The following BLTP3B variants were observed in gnomAD, a reference collection of about 807,000 sequenced individuals.
The protein encoded by BLTP3B is UHRF1 (ICBP90) binding protein 1-like.
At chr12:100,097,425 C>T in the BLTP3B span, 5 of 1,613,604 alleles carry the variant, frequency 3.1e-6, no homozygotes, top group South Asian at 1.1e-5. Context: ...CAGGAGCACA[C>T]ATAATTTCAA....
chr12:100,140,752 AT>A, the BLTP3B span, among the ~76,000 whole-genome samples: 16 of 137,222 alleles, frequency 1.2e-4, no homozygotes, highest in African/African-American at 2.8e-4. Context: ...ATATATATAT[AT>A]AAAATAAAAT....
chr12:100,081,858 G>A, the BLTP3B span, among the ~76,000 whole-genome samples: 1 of 152,170 alleles, frequency 6.6e-6, no homozygotes, highest in African/African-American at 2.4e-5. Flanking sequence ...ATTGTGAATA[G>A]TGCTGCCATG....
chr12:100,124,933 A>T, the BLTP3B span, among the ~76,000 whole-genome samples: 59 of 45,086 alleles, frequency 1.3e-3, no homozygotes, highest in African/African-American at 2.8e-3. Context: ...AAAAAAAAAA[A>T]TTTTATATAT....
At chr12:100,037,499 C>T in the BLTP3B span, 1 of 1,507,686 alleles carries the variant, frequency 6.6e-7, no homozygotes, top group Admixed American at 2.5e-5. Flanking sequence ...TTGAAATAGT[C>T]ACCACTTCAT....
the BLTP3B span, chr12:100,128,766 G>A: frequency 1.6e-6 from 2 of 1,243,448 alleles, no homozygotes; most frequent in Non-Finnish European, 2.1e-6. Context: ...AAGGGAGCAA[G>A]TTTAAGGGAA....
chr12:100,097,466 T>C, the BLTP3B span: 2 of 1,613,040 alleles, frequency 1.2e-6, no homozygotes, highest in Non-Finnish European at 1.7e-6. Context: ...TCTGCCTCTA[T>C]TCTTATCATC....
At chr12:100,113,015 A>T in the BLTP3B span, among the ~76,000 whole-genome samples, 1 of 152,030 alleles carries the variant, frequency 6.6e-6, no homozygotes, top group Admixed American at 6.6e-5. Context: ...TACAAAAAAT[A>T]CAAAACTTAG....
At chr12:100,048,302 A>C in the BLTP3B span, 2 of 1,261,312 alleles carry the variant, frequency 1.6e-6, no homozygotes, top group Non-Finnish European at 2.2e-6. Flanking sequence ...ATTTCCCCCT[A>C]GTTTAAATGA....
the BLTP3B span, among the ~76,000 whole-genome samples, chr12:100,041,304 T>A: frequency 6.6e-6 from 1 of 152,112 alleles, no homozygotes; most frequent in Non-Finnish European, 1.5e-5. Flanking sequence ...GGGAACTTCC[T>A]CAGTCTAATA....
the BLTP3B span, among the ~76,000 whole-genome samples, chr12:100,103,197 A>AT: frequency 6.6e-6 from 1 of 152,200 alleles, no homozygotes; most frequent in African/African-American, 2.4e-5. Flanking sequence ...ATGAAATTAT[A>AT]TATTAATAAG....
At chr12:100,084,694 G>A in the BLTP3B span, 3 of 1,578,322 alleles carry the variant, frequency 1.9e-6, no homozygotes, top group South Asian at 2.3e-5. Context: ...ATTGAAAAAT[G>A]TACAACTTTC....
At chr12:100,038,757 A>G in the BLTP3B span, among the ~76,000 whole-genome samples, 1 of 152,212 alleles carries the variant, frequency 6.6e-6, no homozygotes, top group African/African-American at 2.4e-5. Context: ...GAGCAAATAT[A>G]TTAGAGCAAA....
At chr12:100,135,038 C>T in the BLTP3B span, among the ~76,000 whole-genome samples, 1 of 152,310 alleles carries the variant, frequency 6.6e-6, no homozygotes, top group South Asian at 2.1e-4. Context: ...TGGCTCAAGG[C>T]ATTCCAGTGG....
At chr12:100,085,900 T>C in the BLTP3B span, among the ~76,000 whole-genome samples, 1 of 151,170 alleles carries the variant, frequency 6.6e-6, no homozygotes, top group Non-Finnish European at 1.5e-5. Flanking sequence ...TCATACTCTT[T>C]TCTAATTTTT....
chr12:100,128,167 G>C, the BLTP3B span, among the ~76,000 whole-genome samples: 1 of 152,134 alleles, frequency 6.6e-6, no homozygotes, highest in South Asian at 2.1e-4. Context: ...ATTCAAAACA[G>C]CCTCTTTATC....
the BLTP3B span, chr12:100,095,818 A>G: frequency 3.7e-6 from 6 of 1,609,376 alleles, no homozygotes; most frequent in Admixed American, 3.4e-5. Context: ...CTTTGTTGCT[A>G]TGACATTGCA....
chr12:100,092,653 T>C, the BLTP3B span: 1 of 153,468 alleles, frequency 6.5e-6, no homozygotes, highest in Admixed American at 6.5e-5. Flanking sequence ...ATGTATCTAG[T>C]TTTCTAATCC....
the BLTP3B span, among the ~76,000 whole-genome samples, chr12:100,100,796 C>T: frequency 1.3e-5 from 2 of 151,450 alleles, no homozygotes; most frequent in South Asian, 4.2e-4. Flanking sequence ...CATTCCAGAC[C>T]TACTGAATCA....
At chr12:100,088,008 C>T in the BLTP3B span, among the ~76,000 whole-genome samples, 1 of 152,184 alleles carries the variant, frequency 6.6e-6, no homozygotes. Flanking sequence ...TCTTCCTCAC[C>T]TTTGCCCCTC....
Sources: allele counts gnomAD v4.1 joint callset (sites outside exome capture counted in the v4.1 genomes callset), GRCh38; gene constraint gnomAD v4.1.1; transcripts MANE v1.5; gene names NCBI Gene and HGNC (gene_info 2026-07-23, HGNC 2026-07-21).